Variants in B3GALT1 observed in about 807,000 individuals in gnomAD.
B3GALT1 encodes beta-1,3-galactosyltransferase 1.
A neutral mutation model predicts 23.2 loss-of-function variants in B3GALT1; 10 were observed. The observed-to-expected ratio is 0.43, with a 90% CI of 0.27 to 0.73. B3GALT1 has a LOEUF of 0.73. B3GALT1 is among the 30% of genes least tolerant of loss of function. B3GALT1 has a pLI of 0.21. For missense variants in B3GALT1, 299 were observed against 405.4 expected (o/e 0.74, Z 2.25); for synonymous variants, 156 against 141.5 (o/e 1.10, Z -0.73).
intron 3 of B3GALT1, among the ~76,000 whole-genome samples, chr2:167,786,990 A>G (rs755547949): frequency 1.3e-5 from 2 of 152,190 alleles, no homozygotes; most frequent in Non-Finnish European, 2.9e-5. Context: ...TATACAGTTA[A>G]GACTGAGGCC....
chr2:167,759,132 ATGAC>A (rs1687862765), intron 3 of B3GALT1, among the ~76,000 whole-genome samples: 1 of 152,242 alleles, frequency 6.6e-6, no homozygotes, highest in Non-Finnish European at 1.5e-5. Flanking sequence ...AGAGGAGAGA[ATGAC>A]TGACGAAACA....
At chr2:167,439,130 C>A (rs1310770495) in intron 1 of B3GALT1, among the ~76,000 whole-genome samples, 1 of 152,172 alleles carries the variant, frequency 6.6e-6, no homozygotes, top group East Asian at 1.9e-4. Flanking sequence ...TTATTCAAAT[C>A]TTGTACGTCC....
chr2:167,351,803 C>G (rs1574044420), intron 1 of B3GALT1, among the ~76,000 whole-genome samples: 1 of 152,252 alleles, frequency 6.6e-6, no homozygotes, highest in Non-Finnish European at 1.5e-5. Flanking sequence ...TCTAAGTTTA[C>G]TAACAAGGAT....
chr2:167,684,131 C>T (rs752208034), intron 3 of B3GALT1, among the ~76,000 whole-genome samples: 3 of 152,202 alleles, frequency 2.0e-5, no homozygotes, highest in Non-Finnish European at 4.4e-5. Context: ...ACTGGTTAGT[C>T]TCTCCATTTA....
At chr2:167,569,387 G>T (rs1002578384) in intron 2 of B3GALT1, among the ~76,000 whole-genome samples, 3 of 151,744 alleles carry the variant, frequency 2.0e-5, no homozygotes, top group African/African-American at 7.3e-5. Flanking sequence ...GAGATTTTTA[G>T]ATTTCCTCAT....
intron 3 of B3GALT1, among the ~76,000 whole-genome samples, chr2:167,743,207 A>G (rs1317890828): frequency 1.3e-5 from 2 of 152,130 alleles, no homozygotes; most frequent in Admixed American, 6.5e-5. Context: ...ATAACAAGCA[A>G]TATATCCTGG....
At chr2:167,354,498 C>T (rs1475860881) in intron 1 of B3GALT1, among the ~76,000 whole-genome samples, 3 of 152,034 alleles carry the variant, frequency 2.0e-5, no homozygotes, top group Non-Finnish European at 4.4e-5. Context: ...AGGCACGTGC[C>T]ACCACGCCCA....
chr2:167,341,477 T>C lies in B3GALT1; in HGVS notation c.-511+48143T>C, dbSNP rs1574040097. 7.9e-5 allele frequency among the ~76,000 whole-genome samples: 12 copies of C among 152,146 alleles called. No individual in the cohort carries two copies. In the South Asian group the frequency reaches 2.5e-3, roughly 32 times the overall value. On this transcript the variant is annotated intron_variant, in intron 1 of 4. Coordinates refer to ENST00000392690, the MANE Select transcript of B3GALT1 (RefSeq NM_020981.4). Reference sequence around the variant, plus strand: ...AGGAGTTTGAGATCAGCCTGGCCAATGTGGCGAAACCCTGTCTCTACAAAA... The same window carrying C: ...AGGAGTTTGAGATCAGCCTGGCCAACGTGGCGAAACCCTGTCTCTACAAAA...
intron 1 of B3GALT1, among the ~76,000 whole-genome samples, chr2:167,415,365 A>G (rs1698452921): frequency 1.3e-5 from 2 of 152,178 alleles, no homozygotes; most frequent in African/African-American, 4.8e-5. Flanking sequence ...GCCCTCCCTG[A>G]TGTGGCCCCT....
At chr2:167,736,935 C>T (rs561989732) in intron 3 of B3GALT1, among the ~76,000 whole-genome samples, 2 of 150,368 alleles carry the variant, frequency 1.3e-5, no homozygotes, top group South Asian at 2.1e-4. Flanking sequence ...CTGTCCCCCC[C>T]TTCCCCCCCA....
At chr2:167,467,201 G>A (rs935981259) in intron 1 of B3GALT1, among the ~76,000 whole-genome samples, 18 of 151,902 alleles carry the variant, frequency 1.2e-4, no homozygotes, top group Non-Finnish European at 2.1e-4. Flanking sequence ...GAGCCAAGCC[G>A]ACTGACCCAC....
At chr2:167,564,940 T>C (rs926556321) in intron 2 of B3GALT1, among the ~76,000 whole-genome samples, 2 of 152,166 alleles carry the variant, frequency 1.3e-5, no homozygotes, top group Non-Finnish European at 2.9e-5. Context: ...CCCAAGGTAA[T>C]TTGTAGATTC....
At chr2:167,680,626 T>C (rs1403226863) in intron 3 of B3GALT1, among the ~76,000 whole-genome samples, 1 of 147,960 alleles carries the variant, frequency 6.8e-6, no homozygotes, top group Non-Finnish European at 1.5e-5. Flanking sequence ...CTGAAAGAGC[T>C]AGCTATTTGT....
chr2:167,849,557 T>C (rs1689827410), intron 4 of B3GALT1, among the ~76,000 whole-genome samples: 1 of 152,160 alleles, frequency 6.6e-6, no homozygotes, highest in Admixed American at 6.5e-5. Flanking sequence ...GATACTCATC[T>C]CTCACCTTAT....
chr2:167,642,759 A>G (rs1402366206), intron 2 of B3GALT1, among the ~76,000 whole-genome samples: 1 of 152,088 alleles, frequency 6.6e-6, no homozygotes, highest in Admixed American at 6.6e-5. Flanking sequence ...GTTGTTGTTG[A>G]TATCTGTCTC....
chr2:167,699,378 C>CTTTTTTTTTTTTTTTTTTTTTTT (rs1285786645), intron 3 of B3GALT1, among the ~76,000 whole-genome samples: 1 of 78,684 alleles, frequency 1.3e-5, no homozygotes, highest in Non-Finnish European at 2.5e-5. Flanking sequence ...GCCATTATTT[C>CTTTTTTTTTTTTTTTTTTTTTTT]TATTTTTTTT....
chr2:167,584,219 G>C (rs1684543410), intron 2 of B3GALT1, among the ~76,000 whole-genome samples: 1 of 152,158 alleles, frequency 6.6e-6, no homozygotes, highest in Non-Finnish European at 1.5e-5. Flanking sequence ...CTTAAAGTTA[G>C]GGAGATGAAA....
chr2:167,612,641 T>A (rs972423057), intron 2 of B3GALT1, among the ~76,000 whole-genome samples: 1 of 151,898 alleles, frequency 6.6e-6, no homozygotes, highest in Non-Finnish European at 1.5e-5. Context: ...AATATGAAAT[T>A]TTTTGCTATT....
At chr2:167,612,170 T>C (rs1685078494) in intron 2 of B3GALT1, among the ~76,000 whole-genome samples, 1 of 151,962 alleles carries the variant, frequency 6.6e-6, no homozygotes, top group African/African-American at 2.4e-5. Context: ...TAAAGGGCAG[T>C]TAAGAAAATT....
Sources: allele counts gnomAD v4.1 joint callset (sites outside exome capture counted in the v4.1 genomes callset), GRCh38; gene constraint gnomAD v4.1.1; transcripts MANE v1.5; gene names NCBI Gene and HGNC (gene_info 2026-07-23, HGNC 2026-07-21).